PRIMPOL: variants seen among roughly 807,000 people sequenced by gnomAD.
PRIMPOL encodes DNA-directed primase/polymerase protein.
Under a neutral mutation model 63.6 loss-of-function variants are expected in PRIMPOL, and 54 were observed. The ratio of observed to expected loss-of-function variants is 0.85; its 90% CI spans 0.68 to 1.07. The LOEUF (loss-of-function observed/expected upper bound fraction) is 1.07, where lower values mean the gene tolerates loss of function less well. Ranked by LOEUF, PRIMPOL falls within the 50% of genes least tolerant of loss-of-function variation. The pLI is 0.00. For synonymous variants in PRIMPOL, 197 were observed against 220.2 expected (o/e 0.89, Z 0.93); for missense variants, 610 against 648.3 (o/e 0.94, Z 0.64).
rs752395554 is a variant in PRIMPOL at position 184,685,498 on chromosome 4, G to A, written c.1186G>A (p.Gly396Arg). 3.7e-6 allele frequency: 6 copies of A among 1,602,264 alleles called. No homozygotes were observed. The highest frequency in any genetic ancestry group is 1.3e-5 in the African/African-American group (1 of 74,686). Reference sequence around the variant, plus strand: ...GGTGAATAAAGATGGCATTAAAGGAGGTAAAGTTAATCTCATCCTTTGTTA... The same window carrying A: ...GGTGAATAAAGATGGCATTAAAGGAAGTAAAGTTAATCTCATCCTTTGTTA... ...SLVNKDGIKG[G>R]IRRWNYFFPE... Residue 396 changes from glycine (G) to arginine (R), a missense_variant and splice_region_variant, in exon 10 of 14, where the codon GGA becomes AGA. Around this residue, in one of 3 missense-constraint regions of PRIMPOL, gnomAD observed 444 missense variants for 456.4 expected, o/e 0.97. Transcript: ENST00000314970.
intron 6 of PRIMPOL, among the ~76,000 whole-genome samples, chr4:184,670,538 GAAAGT>G (rs1285616134): frequency 6.7e-5 from 10 of 149,690 alleles, no homozygotes; most frequent in South Asian, 6.3e-4. Context: ...CTTTGAGTAG[GAAAGT>G]AATTTTTTTT....
chr4:184,679,085 C>T (rs570054985), intron 8 of PRIMPOL, among the ~76,000 whole-genome samples: 1 of 152,074 alleles, frequency 6.6e-6, no homozygotes, highest in South Asian at 2.1e-4. Context: ...TGTATAGCTC[C>T]TTTAATCAAA....
At chr4:184,653,388 CT>C (rs902673196) in intron 2 of PRIMPOL, among the ~76,000 whole-genome samples, 1 of 152,212 alleles carries the variant, frequency 6.6e-6, no homozygotes, top group Admixed American at 6.5e-5. Flanking sequence ...CTAACATAGC[CT>C]TTTTTCTAGC....
At chr4:184,663,018 T>TTTATTATTATTATTATTATTA (rs70962516) in intron 5 of PRIMPOL, among the ~76,000 whole-genome samples, 3 of 138,758 alleles carry the variant, frequency 2.2e-5, no homozygotes, top group African/African-American at 2.7e-5. Context: ...ATTTTAAACC[T>TTTATTATTATTATTATTATTA]TTATTATTAT....
chr4:184,686,279 T>C (rs890937751), intron 11 of PRIMPOL, among the ~76,000 whole-genome samples: 5 of 152,332 alleles, frequency 3.3e-5, no homozygotes, highest in Admixed American at 3.3e-4. Flanking sequence ...GAGAAGGCTG[T>C]GGGCAGGGAG....
At chr4:184,654,453 G>GTTTTTTTTTTTTGTTTTT (rs869026768) in intron 2 of PRIMPOL, among the ~76,000 whole-genome samples, 1 of 33,556 alleles carries the variant, frequency 3.0e-5, no homozygotes, top group Non-Finnish European at 5.7e-5. Context: ...AGTTAAAGCA[G>GTTTTTTTTTTTTGTTTTT]TTTTTTTTTT....
chr4:184,668,046 C>T (rs1034027789), intron 6 of PRIMPOL, among the ~76,000 whole-genome samples: 1 of 152,238 alleles, frequency 6.6e-6, no homozygotes. Flanking sequence ...CATCTTTGAC[C>T]CTCTTCCCAC....
rs1756756799 is a variant in PRIMPOL, at chr4:184,685,489, A to G, written c.1177A>G (p.Ile393Val). ...TCTTTCTTTGGTGAATAAAGATGGCATTAAAGGAGGTAAAGTTAATCTCAT... is the reference window on the plus strand; with the variant it reads ...TCTTTCTTTGGTGAATAAAGATGGCGTTAAAGGAGGTAAAGTTAATCTCAT... ...FVLSLVNKDGIKGGIRRWNYF... is the reference protein window; with the variant it reads ...FVLSLVNKDGVKGGIRRWNYF... Residue 393 changes from isoleucine to valine, a missense_variant, in exon 10 of 14, where the codon ATT becomes GTT. Physicochemically the swap from Ile to Val is conservative, Grantham distance 29. Coordinates refer to ENST00000314970, the MANE Select transcript of PRIMPOL (RefSeq NM_152683.4). The G allele has an allele frequency of 2.5e-6, 4 of 1,609,298 alleles. No individual in the cohort carries two copies. The South Asian group carries it at 4.4e-5, about 18-fold the overall frequency.
At chr4:184,691,831 A>G in intron 13 of PRIMPOL, 119 bp downstream of exon 13, 1 of 719,694 alleles carries the variant, frequency 1.4e-6, no homozygotes, top group Non-Finnish European at 2.4e-6. Context: ...GTTTTCACTT[A>G]TGACTGTATT....
At chr4:184,677,548 T>C (rs1754441282) in intron 7 of PRIMPOL, among the ~76,000 whole-genome samples, 1 of 112,340 alleles carries the variant, frequency 8.9e-6, no homozygotes, top group African/African-American at 3.0e-5. Context: ...TAATATAGTT[T>C]TGTTATAAGT....
chr4:184,658,704 C>T (rs914008183), intron 3 of PRIMPOL, among the ~76,000 whole-genome samples: 13 of 151,966 alleles, frequency 8.6e-5, no homozygotes, highest in Admixed American at 3.9e-4. Context: ...GTCAGGAGTT[C>T]GAGACCAGCC....
At chr4:184,684,248 G>A (rs964870709) in intron 9 of PRIMPOL, among the ~76,000 whole-genome samples, 3 of 152,076 alleles carry the variant, frequency 2.0e-5, no homozygotes, top group African/African-American at 7.2e-5. Flanking sequence ...ATGAGGTCAG[G>A]AGTTCAAGAC....
chr4:184,683,813 C>T (rs886423256), intron 9 of PRIMPOL, among the ~76,000 whole-genome samples: 5 of 152,048 alleles, frequency 3.3e-5, no homozygotes, highest in African/African-American at 1.2e-4. Flanking sequence ...AAAAAACTGA[C>T]AGCAATCTAA....
intron 4 of PRIMPOL, among the ~76,000 whole-genome samples, chr4:184,661,237 A>G (rs1579337618): frequency 6.6e-6 from 1 of 152,316 alleles, no homozygotes; most frequent in East Asian, 1.9e-4. Context: ...TTTCTAGTTA[A>G]ATAATGTTAC....
intron 2 of PRIMPOL, among the ~76,000 whole-genome samples, chr4:184,655,480 C>G (rs933975252): frequency 1.3e-5 from 2 of 151,182 alleles, no homozygotes; most frequent in Admixed American, 6.6e-5. Context: ...CACCACCATG[C>G]CCAGCTAATT....
chr4:184,661,962 T>G lies in PRIMPOL; in HGVS notation c.408+59T>G. ...TCCATCTCTTCATTGGCTTATTCATTCAGTGAATTCAGCCTACATAATAGT... is the reference window on the plus strand; with the variant it reads ...TCCATCTCTTCATTGGCTTATTCATGCAGTGAATTCAGCCTACATAATAGT... On this transcript the variant is annotated intron_variant, in intron 5 of 13. Transcript: ENST00000314970. The G allele has an allele frequency of 2.0e-6, 3 of 1,490,500 alleles. No individual in the cohort carries two copies. In the East Asian group the frequency reaches 6.9e-5, roughly 34 times the overall value. The allele number at this position is 1,490,500 out of a possible 1,614,324, so 92.3% of individuals were successfully genotyped here.
chr4:184,694,294 G>GTAAT, intron 13 of PRIMPOL: 3 of 1,317,936 alleles, frequency 2.3e-6, no homozygotes, highest in Non-Finnish European at 1.9e-6. Context: ...AGAACTGTAG[G>GTAAT]TAATTTCAAA....
At chr4:184,661,574 C>T (rs1244059237) in intron 4 of PRIMPOL, among the ~76,000 whole-genome samples, 200 bp from the exon 5 acceptor site, 3 of 151,994 alleles carry the variant, frequency 2.0e-5, no homozygotes, top group South Asian at 2.1e-4. Flanking sequence ...GGCGTGGTGG[C>T]GTGTGCCTGT....
At chr4:184,652,205 A>G (rs1744747020) in intron 2 of PRIMPOL, 105 bp downstream of exon 2, 1 of 152,258 alleles carries the variant, frequency 6.6e-6, no homozygotes, top group Non-Finnish European at 1.5e-5. Flanking sequence ...AGAGTAAGAA[A>G]TGAAATAGGT....
Sources: gnomAD v4.1 joint callset for allele counts (sites outside exome capture counted in the v4.1 genomes callset) on GRCh38, gnomAD v4.1.1 for gene constraint, gnomAD v4.1.1 regional missense constraint, MANE v1.5 for transcripts, NCBI Gene and HGNC (gene_info 2026-07-23, HGNC 2026-07-21) for gene names.